Variants in NT5C3A observed in about 807,000 individuals in gnomAD.
NT5C3A encodes cytosolic 5'-nucleotidase 3A.
Under a neutral mutation model 40.0 loss-of-function variants are expected in NT5C3A, and 23 were observed. The observed-to-expected ratio is 0.58, with a 90% confidence interval of 0.41 to 0.81. NT5C3A has a LOEUF of 0.81. NT5C3A is among the 40% of genes least tolerant of loss of function. NT5C3A has a pLI of 0.00. For synonymous variants in NT5C3A, 130 were observed against 141.4 expected (o/e 0.92, Z 0.57); for missense variants, 328 against 403.0 (o/e 0.81, Z 1.59).
intron 1 of NT5C3A, among the ~76,000 whole-genome samples, chr7:33,056,352 T>C (rs1009777022): frequency 1.3e-5 from 2 of 151,122 alleles, no homozygotes; most frequent in Non-Finnish European, 3.0e-5. Context: ...ATTTTAAAAG[T>C]CTGTCCAGGT....
At chr7:33,035,021 A>G (rs1343072867) in intron 1 of NT5C3A, among the ~76,000 whole-genome samples, 1 of 70,014 alleles carries the variant, frequency 1.4e-5, no homozygotes, top group Non-Finnish European at 2.9e-5. Context: ...AACACTCACT[A>G]ACGTAATAGA....
intron 8 of NT5C3A, among the ~76,000 whole-genome samples, chr7:33,015,077 T>A (rs1015224952): frequency 6.6e-5 from 10 of 152,314 alleles, no homozygotes; most frequent in Non-Finnish European, 1.5e-4. Flanking sequence ...GGGTGATTTT[T>A]GTCCACGGAA....
chr7:33,034,079 G>C (rs1262864411), intron 1 of NT5C3A, among the ~76,000 whole-genome samples: 1 of 151,638 alleles, frequency 6.6e-6, no homozygotes, highest in African/African-American at 2.4e-5. Context: ...TTTTAGTAGG[G>C]ACGGGGTTTC....
At chr7:33,027,483 C>A (rs940016848) in intron 1 of NT5C3A, among the ~76,000 whole-genome samples, 10 of 152,132 alleles carry the variant, frequency 6.6e-5, no homozygotes, top group African/African-American at 2.4e-4. Context: ...AAGTATATAT[C>A]TTTTTCTAAG....
intron 6 of NT5C3A, among the ~76,000 whole-genome samples, chr7:33,019,256 T>TA (rs35312649): frequency 6.5e-4 from 95 of 146,002 alleles, no homozygotes; most frequent in Non-Finnish European, 7.3e-4. Flanking sequence ...ACCCTGTCTT[T>TA]AAAAAAAAAA....
At chr7:33,049,869 C>G (rs921684385) in intron 1 of NT5C3A, among the ~76,000 whole-genome samples, 1 of 148,476 alleles carries the variant, frequency 6.7e-6, no homozygotes, top group Non-Finnish European at 1.5e-5. Flanking sequence ...ATTTGGGAGG[C>G]TGAGGCGAGA....
At chr7:33,035,189 GTT>G (rs35769309) in intron 1 of NT5C3A, among the ~76,000 whole-genome samples, 10 of 106,184 alleles carry the variant, frequency 9.4e-5, no homozygotes, top group East Asian at 8.7e-4. Flanking sequence ...TAAGGAATGA[GTT>G]TTTTTTTTTT....
rs1351718399 is a variant in NT5C3A, at chr7:33,014,547, G to A, written c.*183C>T. 5 of 819,006 alleles carry A rather than the reference G, an allele frequency of 6.1e-6. No individual in the cohort carries two copies. The highest frequency in any genetic ancestry group is 4.1e-5 in the Admixed American group (2 of 48,270). 50.7% of individuals were successfully genotyped at this position (819,006 alleles called of 1,614,324 possible). A position where few individuals can be genotyped will look rare whatever the true frequency, so the allele number is the denominator to read the frequency against. ...GGTTAAAAGATACGGTGAGGAGTGT[G>A]TTGAGAGAGGTGGAGAAAAGGAGCT... On this transcript the variant is annotated 3_prime_UTR_variant, in exon 9 of 9. Coordinates refer to ENST00000610140, the MANE Select transcript of NT5C3A (RefSeq NM_001002010.5).
At chr7:33,027,138 T>C (rs536536613) in intron 1 of NT5C3A, 14 of 434,490 alleles carry the variant, frequency 3.2e-5, no homozygotes, top group African/African-American at 1.4e-4. Flanking sequence ...GGCACAATCC[T>C]AGCTCACCGT....
At chr7:33,028,094 T>C (rs1309530854) in intron 1 of NT5C3A, among the ~76,000 whole-genome samples, 1 of 152,260 alleles carries the variant, frequency 6.6e-6, no homozygotes, top group African/African-American at 2.4e-5. Context: ...TTCCAAATAA[T>C]ATACTGTTCT....
chr7:33,035,693 A>G (rs1786559515), intron 1 of NT5C3A, among the ~76,000 whole-genome samples: 1 of 152,250 alleles, frequency 6.6e-6, no homozygotes, highest in Non-Finnish European at 1.5e-5. Flanking sequence ...TTAGCGTAAA[A>G]AGGAATGGGG....
Position 33,022,066 on chromosome 7 carries a change from T to G in NT5C3A, c.341A>C (p.Glu114Ala). 3 of 1,534,230 alleles carry G rather than the reference T, an allele frequency of 2.0e-6. No homozygotes were observed. The South Asian group carries it at 3.4e-5, about 17-fold the overall frequency. ...IIDNCKLVTDECRKKLLQLKE... is the reference protein window; with the variant it reads ...IIDNCKLVTDACRKKLLQLKE... ...GTTAGTGTTTACCTTTTTTCTACATTCATCTGTAACCAGCTTACAGTTGTC... is the reference window on the plus strand; with the variant it reads ...GTTAGTGTTTACCTTTTTTCTACATGCATCTGTAACCAGCTTACAGTTGTC... The change falls in exon 4 of 9, where the codon GAA becomes GCA. Residue 114 changes from glutamate to alanine, a missense_variant. Physicochemically the swap from Glu to Ala is moderately radical, Grantham distance 107. Coordinates refer to ENST00000610140, the MANE Select transcript of NT5C3A (RefSeq NM_001002010.5).
intron 1 of NT5C3A, among the ~76,000 whole-genome samples, chr7:33,053,854 T>C (rs1787467348): frequency 6.6e-6 from 1 of 152,160 alleles, no homozygotes; most frequent in Non-Finnish European, 1.5e-5. Flanking sequence ...AAGGAGCTGT[T>C]TCTAGCTAAT....
intron 6 of NT5C3A, 68 bp downstream of exon 6, chr7:33,019,567 C>G: frequency 1.1e-6 from 1 of 933,090 alleles, no homozygotes; most frequent in South Asian, 1.3e-5. Context: ...AAAAGTACAA[C>G]TGACTACATA....
At chr7:33,059,632 T>C (rs1787702675) in intron 1 of NT5C3A, among the ~76,000 whole-genome samples, 1 of 152,182 alleles carries the variant, frequency 6.6e-6, no homozygotes, top group Admixed American at 6.5e-5. Context: ...ACTATCATTA[T>C]CTCCCAATTA....
chr7:33,051,638 C>A (rs1295713763), intron 1 of NT5C3A, among the ~76,000 whole-genome samples: 2 of 152,176 alleles, frequency 1.3e-5, no homozygotes, highest in African/African-American at 4.8e-5. Flanking sequence ...CTTCCTCTTT[C>A]TACTGCTCCC....
intron 1 of NT5C3A, 31 bp downstream of exon 1, chr7:33,062,537 T>A: frequency 6.3e-7 from 1 of 1,595,488 alleles, no homozygotes; most frequent in Non-Finnish European, 8.6e-7. Context: ...GCCCCTCGCG[T>A]GCTCTGGGCG....
chr7:33,039,280 T>C (rs1027592785), intron 1 of NT5C3A, among the ~76,000 whole-genome samples: 1 of 152,170 alleles, frequency 6.6e-6, no homozygotes, highest in African/African-American at 2.4e-5. Context: ...TGATTACTTT[T>C]AAAGGTCTAC....
At chr7:33,023,935 CAAG>C in intron 3 of NT5C3A, 101 bp downstream of exon 3, 1 of 741,912 alleles carries the variant, frequency 1.3e-6, no homozygotes, top group Admixed American at 2.0e-5. Context: ...TGTCAATGTC[CAAG>C]AAGAATTTTA....
Sources: gnomAD v4.1 joint callset for allele counts (sites outside exome capture counted in the v4.1 genomes callset) on GRCh38, gnomAD v4.1.1 for gene constraint, MANE v1.5 for transcripts, NCBI Gene and HGNC (gene_info 2026-07-23, HGNC 2026-07-21) for gene names.